The following FARP2 variants were observed in gnomAD, a reference collection of about 807,000 sequenced individuals.
The protein encoded by FARP2 is FERM, ARHGEF and pleckstrin domain-containing protein 2.
FARP2 carries 111 observed loss-of-function variants against 130.5 expected under a neutral mutation model. The ratio of observed to expected loss-of-function variants is 0.85; its 90% CI spans 0.73 to 1.00. The LOEUF is 1.00. Among genes scored for constraint, FARP2 ranks in the 50% least tolerant of loss-of-function variants. FARP2 has a pLI of 0.00. For synonymous variants in FARP2, 504 were observed against 516.9 expected, an observed-to-expected ratio of 0.98 and a Z score of 0.34; for missense variants, 1,385 against 1,346.3, an observed-to-expected ratio of 1.03 and a Z score of -0.45.
intron 8 of FARP2, among the ~76,000 whole-genome samples, chr2:241,421,352 A>T (rs941950312): frequency 6.6e-6 from 1 of 152,212 alleles, no homozygotes; most frequent in Non-Finnish European, 1.5e-5. Flanking sequence ...CCTAAGAAGG[A>T]GGCTGAATCC....
intron 8 of FARP2, among the ~76,000 whole-genome samples, chr2:241,427,921 C>T (rs543517586): frequency 2.6e-5 from 4 of 152,020 alleles, no homozygotes; most frequent in Non-Finnish European, 5.9e-5. Flanking sequence ...CGCCTGCCAC[C>T]ACGTCTGGCT....
chr2:241,438,633 TG>T (rs2063304196), intron 12 of FARP2, among the ~76,000 whole-genome samples: 3 of 145,582 alleles, frequency 2.1e-5, no homozygotes, highest in Admixed American at 1.4e-4. Context: ...TTTTTTTTTT[TG>T]TTTTTTTTTT....
chr2:241,365,528 T>G (rs1235681449), intron 1 of FARP2, among the ~76,000 whole-genome samples: 2 of 152,244 alleles, frequency 1.3e-5, no homozygotes, highest in Non-Finnish European at 2.9e-5. Context: ...ATATATAGCA[T>G]TTGATAACAT....
chr2:241,462,796 T>C (rs961290502), intron 15 of FARP2, among the ~76,000 whole-genome samples, 184 bp downstream of exon 15: 1 of 152,138 alleles, frequency 6.6e-6, no homozygotes, highest in South Asian at 2.1e-4. Flanking sequence ...TTCAAGTGAT[T>C]CTTCTGCCTC....
rs1350785147 is a variant in FARP2 at position 241,402,873 on chromosome 2, TATATATA to T, written c.184-954_184-948del. ...ATATATATATATATATATATATATA[TATATATA>T]TTTTTTTTTTTTTTTTTTTTTTTTT... On this transcript the variant is annotated intron_variant, in intron 2 of 26. Transcript: ENST00000264042. Among the ~76,000 whole-genome samples the T allele has an allele frequency of 3.3e-3, 49 of 14,654 alleles. 1 individual carries two copies. Among genetic ancestry groups the T allele is most frequent in the African/African-American group, 6.4e-3 (21 of 3,266 alleles). 9.6% of individuals were successfully genotyped at this position (14,654 alleles called of 152,430 possible). A position where few individuals can be genotyped will look rare whatever the true frequency, so the allele number is the denominator to read the frequency against.
chr2:241,372,192 C>T (rs1559707491), intron 1 of FARP2, among the ~76,000 whole-genome samples: 1 of 151,966 alleles, frequency 6.6e-6, no homozygotes, highest in African/African-American at 2.4e-5. Context: ...AGGTGTTTGA[C>T]CTTCTTGGGC....
rs147747781 is a variant in FARP2, at chr2:241,493,360, G to A, written c.2963G>A (p.Gly988Asp). The A allele has an allele frequency of 2.5e-4, 402 of 1,613,980 alleles. No homozygotes were observed. Among genetic ancestry groups the A allele is most frequent in the South Asian group, 6.4e-4 (58 of 91,084 alleles). ...YSVSIPREAD[G>D]IHKDYVFKLQ... ...GTGAGCATCCCCAGGGAGGCCGATG[G>A]CATACACAAAGACTATGTTTTCAAG... The change falls in exon 26 of 27, where the codon GGC (glycine) becomes GAC (aspartate). Residue 988 changes from glycine to aspartate, a missense_variant. Transcript: ENST00000264042.
chr2:241,461,377 G>A (rs1017964626), intron 14 of FARP2, among the ~76,000 whole-genome samples: 2 of 152,116 alleles, frequency 1.3e-5, no homozygotes, highest in Non-Finnish European at 2.9e-5. Context: ...GCCCAAGTGT[G>A]TCACAGCACA....
In FARP2 at chr2:241,380,717, AT is replaced by A. The variant is rs2061641472; in HGVS notation, c.183+7428del. 2.0e-5 allele frequency among the ~76,000 whole-genome samples: 3 copies of A among 151,704 alleles called. No homozygotes were observed. The South Asian group carries it at 6.2e-4, about 32-fold the overall frequency. On this transcript the variant is annotated intron_variant, in intron 2 of 26. Transcript: ENST00000264042. Reference sequence around the variant, plus strand: ...ATATTATATTATATGGGATTATATTATATGGGATGCTCAACCCATACTATAT... The same window carrying A: ...ATATTATATTATATGGGATTATATTAATGGGATGCTCAACCCATACTATAT...
chr2:241,448,799 G>C (rs2063574627), intron 13 of FARP2, among the ~76,000 whole-genome samples: 1 of 152,246 alleles, frequency 6.6e-6, no homozygotes, highest in Non-Finnish European at 1.5e-5. Flanking sequence ...AGCAGCAGCG[G>C]TGGCTCCACC....
In FARP2 at chr2:241,389,001, C is replaced by T. The variant is rs569396209; in HGVS notation, c.184-14827C>T. Among the ~76,000 whole-genome samples, 32 of 152,184 alleles carry T rather than the reference C, an allele frequency of 2.1e-4. No homozygotes were observed. The South Asian group carries it at 5.8e-3, about 28-fold the overall frequency. On this transcript the variant is annotated intron_variant, in intron 2 of 26. Coordinates refer to ENST00000264042, the MANE Select transcript of FARP2 (RefSeq NM_014808.4). ...TGCCCTTATAAGAATAGACATGAGG[C>T]GGGGTGAGGTGGCTCATGCCTGTAA...
At chr2:241,488,277 T>C (rs1277778763) in intron 21 of FARP2, 1 of 152,212 alleles carries the variant, frequency 6.6e-6, no homozygotes, top group African/African-American at 2.4e-5. Flanking sequence ...CAGCTCTGGC[T>C]GTCTTTTCCT....
intron 2 of FARP2, among the ~76,000 whole-genome samples, chr2:241,378,351 T>A (rs1390754800): frequency 6.7e-6 from 1 of 149,932 alleles, no homozygotes; most frequent in Non-Finnish European, 1.5e-5. Flanking sequence ...CCTTAAGTGA[T>A]CCGCCTCCCC....
intron 19 of FARP2, among the ~76,000 whole-genome samples, chr2:241,481,424 G>A (rs2064612348): frequency 6.6e-6 from 1 of 152,194 alleles, no homozygotes; most frequent in Admixed American, 6.5e-5. Flanking sequence ...GTTCATTGAA[G>A]CATGTGTATG....
chr2:241,484,189 T>C lies in FARP2; in HGVS notation c.2332-53T>C, dbSNP rs923274226. 11 of 1,611,458 alleles carry C rather than the reference T, an allele frequency of 6.8e-6. No homozygotes were observed. In the Admixed American group the frequency reaches 8.3e-5, roughly 12 times the overall value. The stretch of plus-strand genomic sequence containing the variant: ...CAGCCAGAGTCCAAGTTGGTCTGAC[T>C]ATTAAGACACTTGTTTGTGAAGTTC... On this transcript the variant is annotated intron_variant, in intron 20 of 26. Coordinates refer to ENST00000264042, the MANE Select transcript of FARP2 (RefSeq NM_014808.4).
At chr2:241,367,071 A>C (rs150731897) in intron 1 of FARP2, among the ~76,000 whole-genome samples, 1 of 152,044 alleles carries the variant, frequency 6.6e-6, no homozygotes, top group Non-Finnish European at 1.5e-5. Context: ...CTGGTGTTTG[A>C]GGGACAGGGT....
chr2:241,406,160 TGTAG>T (rs2062338046), intron 4 of FARP2, among the ~76,000 whole-genome samples: 1 of 150,158 alleles, frequency 6.7e-6, no homozygotes, highest in African/African-American at 2.5e-5. Flanking sequence ...ATTAGCCGGG[TGTAG>T]GGGCATGGTG....
At chr2:241,462,123 A>C (rs1388193995) in intron 14 of FARP2, among the ~76,000 whole-genome samples, 1 of 152,200 alleles carries the variant, frequency 6.6e-6, no homozygotes, top group East Asian at 1.9e-4. Context: ...TGGCGCTCTG[A>C]TGCAGGCACA....
chr2:241,407,732 A>G, intron 5 of FARP2, 117 bp downstream of exon 5: 1 of 762,666 alleles, frequency 1.3e-6, no homozygotes, highest in Non-Finnish European at 2.2e-6. Context: ...CAGAAAAGTG[A>G]CCATGAGTGT....
Sources: gnomAD v4.1 joint callset for allele counts (sites outside exome capture counted in the v4.1 genomes callset) on GRCh38, gnomAD v4.1.1 for gene constraint, MANE v1.5 for transcripts, NCBI Gene and HGNC (gene_info 2026-07-23, HGNC 2026-07-21) for gene names.